RAB38: variants seen among roughly 807,000 people sequenced by gnomAD.
RAB38 encodes the protein RAB38, member RAS oncogene family, also known as ras-related protein Rab-38.
In RAB38, 15 loss-of-function variants were observed where a neutral mutation model predicts 18.4. That is an observed-to-expected ratio of 0.82 (90% CI 0.55 to 1.26). RAB38 has a LOEUF of 1.26. Ranked by LOEUF, RAB38 falls within the 50% of genes most tolerant of loss-of-function variation. The pLI, the probability that RAB38 is intolerant of heterozygous loss-of-function variation, is 0.00. For missense variants in RAB38, 294 were observed against 267.4 expected, an observed-to-expected ratio of 1.10 and a Z score of -0.69; for synonymous variants, 101 against 104.4, an observed-to-expected ratio of 0.97 and a Z score of 0.20.
At chr11:87,949,850 G>C in the RAB38 span, among the ~76,000 whole-genome samples, 1 of 152,146 alleles carries the variant, frequency 6.6e-6, no homozygotes. Flanking sequence ...GTGGTGCTGA[G>C]AAGAATGTAT....
the RAB38 span, among the ~76,000 whole-genome samples, chr11:88,030,305 C>T: frequency 6.6e-6 from 1 of 152,096 alleles, no homozygotes; most frequent in Admixed American, 6.6e-5. Context: ...AACCTAACAT[C>T]ACAATTAAAA....
downstream of RAB38, among the ~76,000 whole-genome samples, chr11:88,113,068 T>C (rs1942494944): frequency 6.6e-6 from 1 of 151,968 alleles, no homozygotes; most frequent in Non-Finnish European, 1.5e-5. Context: ...ATATGAACAG[T>C]AAATGCAGAT....
the RAB38 span, among the ~76,000 whole-genome samples, chr11:88,069,992 T>C: frequency 1.1e-4 from 17 of 152,164 alleles, no homozygotes; most frequent in Non-Finnish European, 1.8e-4. Flanking sequence ...TAGCAGGATG[T>C]GGGTGGGGTC....
At chr11:88,088,397 A>T in the RAB38 span, among the ~76,000 whole-genome samples, 122,112 of 151,838 alleles carry the variant, frequency 0.8, 49,323 homozygotes, top group African/African-American at 0.87. Context: ...ATTAGTGATG[A>T]CCTGAAGTTT....
At position 88,128,849 on chromosome 11, in the gene RAB38, C is replaced by T. The variant is rs562291163; in HGVS notation, c.484-14709G>A. ...ACTTGGATCATGTGGACACTATTGG[C>T]CAGTTACAGTGACTTGAGAGACACA... On this transcript the variant is annotated intron_variant, in intron 2 of 2. Transcript: ENST00000243662. Among the ~76,000 whole-genome samples the T allele has an allele frequency of 4.5e-4, 68 of 152,240 alleles. 2 individuals carry two copies. The South Asian group carries it at 0.014, about 32-fold the overall frequency.
the RAB38 span, among the ~76,000 whole-genome samples, chr11:87,926,011 C>T: frequency 6.6e-6 from 1 of 151,920 alleles, no homozygotes; most frequent in Non-Finnish European, 1.5e-5. Context: ...GAATGCCCCT[C>T]TACCTCTACC....
chr11:87,825,933 A>G, the RAB38 span, among the ~76,000 whole-genome samples: 53 of 152,232 alleles, frequency 3.5e-4, no homozygotes, highest in Non-Finnish European at 5.7e-4. Flanking sequence ...GCTATAAATT[A>G]TATTTACATT....
At position 88,149,935 on chromosome 11, in the gene RAB38, T is replaced by G; in HGVS notation, c.223A>C (p.Met75Leu). Residue 75 changes from methionine (M) to leucine (L), a missense_variant, in exon 2 of 3, where the codon ATG (methionine) becomes CTG (leucine). Coordinates refer to ENST00000243662, the MANE Select transcript of RAB38 (RefSeq NM_022337.3). Reference sequence around the variant, plus strand: ...GCTTCTCGGTAATAGACCCTCGTCATGTTTCCAAATCTTTCTTGACCTGAC... The same window carrying G: ...GCTTCTCGGTAATAGACCCTCGTCAGGTTTCCAAATCTTTCTTGACCTGAC... The part of the protein sequence containing the change: ...DIAGQERFGN[M>L]TRVYYREAMG... The G allele has an allele frequency of 6.2e-7, 1 of 1,611,708 alleles. No individual in the cohort carries two copies. The highest frequency in any genetic ancestry group is 1.1e-5 in the South Asian group (1 of 90,752).
At chr11:88,135,726 T>C (rs1307290110) in intron 2 of RAB38, among the ~76,000 whole-genome samples, 1 of 152,208 alleles carries the variant, frequency 6.6e-6, no homozygotes, top group Non-Finnish European at 1.5e-5. Context: ...CTCTTCCTTT[T>C]TAAAGAGACT....
the RAB38 span, among the ~76,000 whole-genome samples, chr11:88,060,555 A>T: frequency 4.6e-5 from 7 of 152,310 alleles, no homozygotes; most frequent in African/African-American, 1.7e-4. Flanking sequence ...CTTGCCCAAG[A>T]TCATAAAGCA....
the RAB38 span, among the ~76,000 whole-genome samples, chr11:88,027,477 G>C: frequency 6.6e-6 from 1 of 152,198 alleles, no homozygotes. Context: ...GTCAAAGAAA[G>C]GGGTGACAGA....
chr11:87,961,996 A>G, the RAB38 span, among the ~76,000 whole-genome samples: 1 of 152,162 alleles, frequency 6.6e-6, no homozygotes, highest in South Asian at 2.1e-4. Flanking sequence ...TCATGGTTTG[A>G]TCTTAGGACT....
Position 88,149,844 on chromosome 11 carries a change from T to C in RAB38, c.314A>G (p.Lys105Arg). 1 of 1,614,096 alleles carries C rather than the reference T, an allele frequency of 6.2e-7. No homozygotes were observed. Among genetic ancestry groups the C allele is most frequent in the South Asian group, 1.1e-5 (1 of 91,070 alleles). ...PATFEAVAKW[K>R]NDLDSKLSLP... The stretch of plus-strand genomic sequence containing the variant: ...ACTTAACTTGGAGTCCAAATCATTT[T>C]TCCACTTTGCCACTGCTTCAAATGT... The change falls in exon 2 of 3, where the codon AAA (lysine) becomes AGA (arginine). Residue 105 changes from lysine (K) to arginine (R), a missense_variant. Lys to Arg is a conservative substitution (Grantham distance 26, BLOSUM62 2). Transcript: ENST00000243662.
chr11:88,103,563 G>C, the RAB38 span, among the ~76,000 whole-genome samples: 1 of 152,060 alleles, frequency 6.6e-6, no homozygotes, highest in Admixed American at 6.6e-5. Context: ...GCTTTATAGA[G>C]TCACCTGACT....
At chr11:88,136,909 T>G (rs996147327) in intron 2 of RAB38, among the ~76,000 whole-genome samples, 1 of 152,192 alleles carries the variant, frequency 6.6e-6, no homozygotes. Context: ...CCAAGTCAAA[T>G]TCTGGTTTAT....
chr11:87,819,869 A>C, the RAB38 span, among the ~76,000 whole-genome samples: 1 of 151,536 alleles, frequency 6.6e-6, no homozygotes, highest in African/African-American at 2.4e-5. Context: ...TATCTTCGAG[A>C]AGCTCTAAGC....
At chr11:87,976,346 T>A in the RAB38 span, among the ~76,000 whole-genome samples, 1 of 142,802 alleles carries the variant, frequency 7.0e-6, no homozygotes, top group Non-Finnish European at 1.5e-5. Flanking sequence ...GGTATATATA[T>A]AAAATATAAA....
the RAB38 span, among the ~76,000 whole-genome samples, chr11:88,074,925 G>T: frequency 2.0e-5 from 3 of 152,074 alleles, no homozygotes; most frequent in Non-Finnish European, 4.4e-5. Flanking sequence ...AAATAAAATA[G>T]ACTGCAAATC....
At chr11:87,809,617 A>G in the RAB38 span, among the ~76,000 whole-genome samples, 1 of 152,200 alleles carries the variant, frequency 6.6e-6, no homozygotes, top group Non-Finnish European at 1.5e-5. Flanking sequence ...CATTTCCTGA[A>G]TCTCAAAGAC....
Sources: allele counts gnomAD v4.1 joint callset (sites outside exome capture counted in the v4.1 genomes callset), GRCh38; gene constraint gnomAD v4.1.1; transcripts MANE v1.5; gene names NCBI Gene and HGNC (gene_info 2026-07-23, HGNC 2026-07-21).